KIAA0825: variants seen among roughly 807,000 people sequenced by gnomAD.
The protein encoded by KIAA0825 is KIAA0825.
In KIAA0825, 119 loss-of-function variants were observed where a neutral mutation model predicts 147.6. The ratio of observed to expected loss-of-function variants is 0.81; its 90% CI spans 0.69 to 0.94. The LOEUF (loss-of-function observed/expected upper bound fraction) is 0.94, where lower values mean the gene tolerates loss of function less well. Among genes scored for constraint, KIAA0825 ranks in the 40% least tolerant of loss-of-function variants. The probability of loss-of-function intolerance (pLI) is 0.00; values close to 1 mark genes in which losing one functional copy is unlikely to be tolerated. For synonymous variants in KIAA0825, 470 were observed against 518.1 expected, an observed-to-expected ratio of 0.91 and a Z score of 1.26; for missense variants, 1,381 against 1,472.7, an observed-to-expected ratio of 0.94 and a Z score of 1.02.
chr5:94,554,739 TA>T (rs2152270888), intron 2 of KIAA0825, among the ~76,000 whole-genome samples: 1 of 134,186 alleles, frequency 7.5e-6, no homozygotes, highest in African/African-American at 2.9e-5. Context: ...TATATATATA[TA>T]TATATATATA....
At position 94,246,456 on chromosome 5, in the gene KIAA0825, G is replaced by T. The variant is rs369107006; in HGVS notation, c.3711-92332C>A. ...TTACCACACCGTAACCAGATAGGGT[G>T]CGTGTGTGCCTTGGGAGAGTGGGTG... On this transcript the variant is annotated intron_variant, in intron 20 of 20. Transcript: ENST00000682413. Among the ~76,000 whole-genome samples, 27 of 152,214 alleles carry T rather than the reference G, an allele frequency of 1.8e-4. No individual in the cohort carries two copies. In the East Asian group the frequency reaches 4.3e-3, roughly 24 times the overall value.
rs1042076488 is a variant in KIAA0825 at position 94,152,001 on chromosome 5, C to T, written c.*2006G>A. On this transcript the variant is annotated 3_prime_UTR_variant, in exon 21 of 21. Transcript: ENST00000682413. ...CAGATTAGATGGAATGTCCAGTTCT[C>T]ATAAAATTTTCCTACCATTTTCTAA... Among the ~76,000 whole-genome samples the T allele has an allele frequency of 6.6e-6, 1 of 152,150 alleles. No homozygotes were observed. Among genetic ancestry groups the T allele is most frequent in the African/African-American group, 2.4e-5 (1 of 41,442 alleles).
intron 20 of KIAA0825, among the ~76,000 whole-genome samples, chr5:94,170,113 C>T (rs1159663568): frequency 6.6e-6 from 1 of 152,094 alleles, no homozygotes; most frequent in Admixed American, 6.5e-5. Context: ...TCCTGGCTAA[C>T]ACGGTGAAAC....
chr5:94,544,794 G>A (rs1774007828), intron 2 of KIAA0825, among the ~76,000 whole-genome samples: 1 of 152,196 alleles, frequency 6.6e-6, no homozygotes. Context: ...CAGGAAGGCA[G>A]AGCAAGAAGG....
chr5:94,406,092 A>G (rs141853602), intron 15 of KIAA0825, among the ~76,000 whole-genome samples: 105 of 151,956 alleles, frequency 6.9e-4, no homozygotes, highest in African/African-American at 2.4e-3. Flanking sequence ...ACGCCTGGCT[A>G]ATTTTTGTAT....
chr5:94,392,982 CAA>C (rs752875230), intron 17 of KIAA0825, among the ~76,000 whole-genome samples: 2 of 126,068 alleles, frequency 1.6e-5, no homozygotes, highest in African/African-American at 2.9e-5. Flanking sequence ...ATACAGGTTG[CAA>C]AAAAAAAAAA....
chr5:94,592,703 C>A, intron 1 of KIAA0825: 2 of 289,432 alleles, frequency 6.9e-6, no homozygotes, highest in East Asian at 9.0e-5. Context: ...TCCTTTTATC[C>A]CTGTTTGTTG....
intron 17 of KIAA0825, 83 bp from the exon 18 acceptor site, chr5:94,391,777 T>G: frequency 8.6e-7 from 1 of 1,157,564 alleles, no homozygotes; most frequent in South Asian, 1.7e-5. Context: ...GTGTGGAGAG[T>G]TGATGTAAAT....
intron 20 of KIAA0825, among the ~76,000 whole-genome samples, chr5:94,204,825 T>C (rs919291572): frequency 2.0e-5 from 3 of 152,200 alleles, no homozygotes; most frequent in Non-Finnish European, 4.4e-5. Context: ...ATAACTTCCA[T>C]ATCTGGTGAA....
intron 2 of KIAA0825, among the ~76,000 whole-genome samples, chr5:94,580,832 CGCCACTGCACTCCA>C (rs1373115454): frequency 3.2e-5 from 1 of 30,962 alleles, no homozygotes; most frequent in African/African-American, 2.7e-4. Flanking sequence ...GCCGAGATCC[CGCCACTGCACTCCA>C]GCCTGGGCGA....
At chr5:94,339,978 TAAAAG>T (rs1293931505) in intron 20 of KIAA0825, among the ~76,000 whole-genome samples, 2 of 152,202 alleles carry the variant, frequency 1.3e-5, no homozygotes, top group Non-Finnish European at 1.5e-5. Context: ...GCATTCCTCT[TAAAAG>T]AAATCATTTT....
At chr5:94,472,504 A>G (rs1174167292) in intron 8 of KIAA0825, among the ~76,000 whole-genome samples, 12 of 152,088 alleles carry the variant, frequency 7.9e-5, no homozygotes, top group Admixed American at 6.6e-4. Context: ...CCAGCACTTC[A>G]GGAGGCTGAG....
intron 16 of KIAA0825, among the ~76,000 whole-genome samples, chr5:94,402,835 T>A (rs1042897795): frequency 6.7e-6 from 1 of 149,648 alleles, no homozygotes; most frequent in Non-Finnish European, 1.5e-5. Context: ...TTATTTTAAA[T>A]AATCAAAAGA....
At chr5:94,586,075 C>T (rs924868763) in intron 1 of KIAA0825, among the ~76,000 whole-genome samples, 12 of 152,062 alleles carry the variant, frequency 7.9e-5, no homozygotes, top group Admixed American at 7.2e-4. Flanking sequence ...TAAATGCCCA[C>T]AAGAGAAAGC....
At chr5:94,576,722 T>TA (rs1301472302) in intron 2 of KIAA0825, among the ~76,000 whole-genome samples, 1 of 152,202 alleles carries the variant, frequency 6.6e-6, no homozygotes, top group Admixed American at 6.5e-5. Context: ...TAAACTAACT[T>TA]ACATTGCTGC....
In KIAA0825 at chr5:94,151,374, G is replaced by A. The variant is rs964266273; in HGVS notation, c.*2633C>T. Reference sequence around the variant, plus strand: ...GGAGCTTGCAGTGAGCCGAGATTGCGCCACTGCAGTCCGCAGTCCGGCCTG... The same window carrying A: ...GGAGCTTGCAGTGAGCCGAGATTGCACCACTGCAGTCCGCAGTCCGGCCTG... On this transcript the variant is annotated 3_prime_UTR_variant, in exon 21 of 21. Transcript: ENST00000682413. Among the ~76,000 whole-genome samples, 9 of 130,052 alleles carry A rather than the reference G, an allele frequency of 6.9e-5. No homozygotes were observed. Among genetic ancestry groups the A allele is most frequent in the South Asian group, 2.4e-4 (1 of 4,136 alleles). 85.3% of individuals were successfully genotyped at this position (130,052 alleles called of 152,430 possible).
chr5:94,564,767 T>C (rs962039237), intron 2 of KIAA0825, among the ~76,000 whole-genome samples: 2 of 152,146 alleles, frequency 1.3e-5, no homozygotes, highest in Non-Finnish European at 2.9e-5. Context: ...CTGTTCACTA[T>C]GTATGAGGAA....
intron 1 of KIAA0825, among the ~76,000 whole-genome samples, chr5:94,616,206 A>G (rs1790439540): frequency 6.6e-6 from 1 of 152,336 alleles, no homozygotes; most frequent in South Asian, 2.1e-4. Context: ...AATCAAATAC[A>G]CATTAGTATT....
intron 5 of KIAA0825, among the ~76,000 whole-genome samples, chr5:94,511,897 G>A (rs1214858668): frequency 6.6e-6 from 1 of 151,906 alleles, no homozygotes. Context: ...GCTGACGCAG[G>A]AGAATTGCTT....
Sources: allele counts gnomAD v4.1 joint callset (sites outside exome capture counted in the v4.1 genomes callset), GRCh38; gene constraint gnomAD v4.1.1; transcripts MANE v1.5; gene names NCBI Gene and HGNC (gene_info 2026-07-23, HGNC 2026-07-21).